FSCN2: variants seen among roughly 807,000 people sequenced by gnomAD.
FSCN2 encodes the protein fascin-2.
A neutral mutation model predicts 37.8 loss-of-function variants in FSCN2; 46 were observed. The observed-to-expected ratio is 1.22, with a 90% CI of 0.96 to 1.56. The LOEUF (loss-of-function observed/expected upper bound fraction) is 1.56, where lower values mean the gene tolerates loss of function less well. Among genes scored for constraint, FSCN2 ranks in the 40% most tolerant of loss-of-function variants. The probability of loss-of-function intolerance (pLI) is 0.00; values close to 1 mark genes in which losing one functional copy is unlikely to be tolerated. For missense variants in FSCN2, 844 were observed against 730.4 expected (o/e 1.16, Z -1.79); for synonymous variants, 351 against 309.4 (o/e 1.13, Z -1.41).
chr17:81,531,219 A>ATGG (rs1555671204), intron 1 of FSCN2, among the ~76,000 whole-genome samples: 2,330 of 105,202 alleles, frequency 0.022, 465 homozygotes, highest in African/African-American at 0.078. Context: ...GATGGTGGTG[A>ATGG]TGGTGATAAT....
rs200332556 is a variant in FSCN2, at chr17:81,529,069, C to T, written c.538C>T (p.Arg180Trp). ...GGACGCCCTCCTCACCCTCATCTTCCGGAGCCGACGGTACTGCCTCAAGTC... is the reference window on the plus strand; with the variant it reads ...GGACGCCCTCCTCACCCTCATCTTCTGGAGCCGACGGTACTGCCTCAAGTC... ...GVDALLTLIF[R>W]SRRYCLKSCD... Residue 180 changes from arginine to tryptophan, a missense_variant, in exon 1 of 5, where the codon CGG (arginine) becomes TGG (tryptophan). By Grantham distance (101) the Arg-to-Trp change is moderately radical (BLOSUM62 -3). Transcript: ENST00000417245. The T allele has an allele frequency of 1.4e-3, 2,274 of 1,590,372 alleles. 27 individuals are homozygous for T. Among genetic ancestry groups the T allele is most frequent in the South Asian group, 0.013 (1,134 of 87,802 alleles).
chr17:81,531,213 G>GTGGTGATGGTGGTGATGA (rs1568076856), intron 1 of FSCN2, among the ~76,000 whole-genome samples: 1 of 136,520 alleles, frequency 7.3e-6, no homozygotes, highest in Non-Finnish European at 1.6e-5. Context: ...GGTGGTGATG[G>GTGGTGATGGTGGTGATGA]TGGTGATGGT....
intron 1 of FSCN2, among the ~76,000 whole-genome samples, chr17:81,533,153 C>T (rs1024466707): frequency 2.0e-5 from 3 of 152,172 alleles, no homozygotes; most frequent in Admixed American, 6.5e-5. Flanking sequence ...GGCCCTTCAT[C>T]GAGGCATCTC....
chr17:81,534,794 G>A (rs1189700049), intron 1 of FSCN2, among the ~76,000 whole-genome samples: 2 of 151,862 alleles, frequency 1.3e-5, no homozygotes, highest in East Asian at 1.9e-4. Context: ...GCTGTGCCAA[G>A]CAGAAGGGCC....
chr17:81,518,833 G>A, the FSCN2 span, among the ~76,000 whole-genome samples: 2 of 152,378 alleles, frequency 1.3e-5, no homozygotes, highest in South Asian at 4.1e-4. Context: ...CGGAAAAGGG[G>A]AAGCGGGTCA....
upstream of FSCN2, chr17:81,527,769 T>G (rs1279313457): frequency 1.3e-5 from 2 of 152,238 alleles, no homozygotes; most frequent in Non-Finnish European, 2.9e-5. Flanking sequence ...GGCCTCTGAC[T>G]CTGCCCCCTG....
At chr17:81,531,930 GTGA>G (rs1443124762) in intron 1 of FSCN2, among the ~76,000 whole-genome samples, 58 of 137,880 alleles carry the variant, frequency 4.2e-4, no homozygotes, top group Admixed American at 1.7e-3. Flanking sequence ...GATGGTGATA[GTGA>G]TGATAATGGT....
rs1598573855 is a variant in FSCN2, at chr17:81,531,514, TGATGGTGGTGATGGC to T, written c.826+2171_826+2185del. Reference sequence around the variant, plus strand: ...ATGGTGATGGTGATGGTGGTGATGGTGATGGTGGTGATGGCGATGGTGGTGATGATGGTGATGGCG... The same window carrying T: ...ATGGTGATGGTGATGGTGGTGATGGTGATGGTGGTGATGATGGTGATGGCG... On this transcript the variant is annotated intron_variant, in intron 1 of 4. Coordinates refer to ENST00000417245, the MANE Select transcript of FSCN2 (RefSeq NM_012418.4). Among the ~76,000 whole-genome samples, 3 of 146,442 alleles carry T rather than the reference TGATGGTGGTGATGGC, an allele frequency of 2.0e-5. No homozygotes were observed. In the East Asian group the frequency reaches 6.1e-4, roughly 30 times the overall value.
At position 81,528,441 on chromosome 17, in the gene FSCN2, C is replaced by T. The variant is rs568546294; in HGVS notation, c.-91C>T. 393 of 993,750 alleles carry T rather than the reference C, an allele frequency of 4.0e-4. No individual in the cohort carries two copies. In the African/African-American group the frequency reaches 5.1e-3, roughly 13 times the overall value. The allele number at this position is 993,750 out of a possible 1,614,324, so 61.6% of individuals were successfully genotyped here. Reference sequence around the variant, plus strand: ...CTGGGTCTGGGGGCTGTGGGCCAGCCGAGCCGACCCGGGCTTCTGGGGGAC... The same window carrying T: ...CTGGGTCTGGGGGCTGTGGGCCAGCTGAGCCGACCCGGGCTTCTGGGGGAC... On this transcript the variant is annotated 5_prime_UTR_variant, in exon 1 of 5. Transcript: ENST00000417245.
In FSCN2 at chr17:81,531,378, A is replaced by ATGATGG. The variant is rs1568077280; in HGVS notation, c.826+2023_826+2024insATGGTG. The stretch of plus-strand genomic sequence containing the variant: ...GGTGATGGTGATGATGGTGGTGGTG[A>ATGATGG]TGGTGGTGATGGTGATGATGGTGAT... On this transcript the variant is annotated intron_variant, in intron 1 of 4. Coordinates refer to ENST00000417245, the MANE Select transcript of FSCN2 (RefSeq NM_012418.4). Among the ~76,000 whole-genome samples the ATGATGG allele has an allele frequency of 5.1e-3, 274 of 53,948 alleles. 3 individuals carry two copies. Among genetic ancestry groups the ATGATGG allele is most frequent in the African/African-American group, 0.017 (250 of 14,750 alleles). 35.4% of individuals were successfully genotyped at this position (53,948 alleles called of 152,430 possible).
chr17:81,532,092 ATGATGG>A (rs1568078659), intron 1 of FSCN2, among the ~76,000 whole-genome samples: 6 of 114,146 alleles, frequency 5.3e-5, no homozygotes, highest in African/African-American at 2.0e-4. Flanking sequence ...GGTGATGGTG[ATGATGG>A]TGATGATAGT....
At chr17:81,523,194 G>A in the FSCN2 span, among the ~76,000 whole-genome samples, 1 of 152,206 alleles carries the variant, frequency 6.6e-6, no homozygotes, top group East Asian at 1.9e-4. Flanking sequence ...CCCAACTGCA[G>A]TTCGGGAAGC....
At chr17:81,535,341 AC>A (rs1289346925) in intron 2 of FSCN2, 133 bp downstream of exon 2, 10 of 547,474 alleles carry the variant, frequency 1.8e-5, no homozygotes, top group Non-Finnish European at 3.1e-5. Flanking sequence ...CATCCCCATG[AC>A]CACCATCCCC....
chr17:81,529,312 G>C lies in FSCN2; in HGVS notation c.781G>C (p.Val261Leu), dbSNP rs782162508. The change falls in exon 1 of 5, where the codon GTG (valine) becomes CTG (leucine). Residue 261 changes from valine (V) to leucine (L), a missense_variant. Coordinates refer to ENST00000417245, the MANE Select transcript of FSCN2 (RefSeq NM_012418.4). ...LFDLEESHPQ[V>L]VLVAANHRYV... ...TGATCTGGAGGAGAGTCACCCACAG[G>C]TGGTGCTGGTGGCTGCCAACCACCG... The C allele has an allele frequency of 1.1e-5, 17 of 1,561,932 alleles. No individual in the cohort carries two copies. The highest frequency in any genetic ancestry group is 1.5e-5 in the Non-Finnish European group (17 of 1,152,354).
rs2032420343 is a variant in FSCN2 at position 81,528,446 on chromosome 17, C to A, written c.-86C>A. The A allele has an allele frequency of 1.9e-6, 2 of 1,047,178 alleles. No homozygotes were observed. 64.9% of individuals were successfully genotyped at this position (1,047,178 alleles called of 1,614,324 possible). On this transcript the variant is annotated 5_prime_UTR_variant, in exon 1 of 5. Transcript: ENST00000417245. ...TCTGGGGGCTGTGGGCCAGCCGAGC[C>A]GACCCGGGCTTCTGGGGGACCGCGG...
Position 81,535,127 on chromosome 17 carries a change from A to G in FSCN2, c.902A>G (p.Lys301Arg), listed in dbSNP as rs2143894572. 6.5e-7 allele frequency: 1 copy of G among 1,534,064 alleles called. No individual in the cohort carries two copies. The highest frequency in any genetic ancestry group is 8.7e-7 in the Non-Finnish European group (1 of 1,145,326). ...TFLMQIDQET[K>R]KCTFYSSTGG... is the part of the protein sequence containing the mutation. Reference sequence around the variant, plus strand: ...CTGATGCAAATTGACCAGGAGACAAAGAAGTGCACCTTCTATTCCAGCACT... The same window carrying G: ...CTGATGCAAATTGACCAGGAGACAAGGAAGTGCACCTTCTATTCCAGCACT... The change falls in exon 2 of 5, where the codon AAG (lysine) becomes AGG (arginine). Residue 301 changes from lysine (K) to arginine (R), a missense_variant. Lys to Arg is a conservative substitution (Grantham distance 26, BLOSUM62 2). Transcript: ENST00000417245.
At chr17:81,532,696 C>CGATAGTGATAGTGATGGTGGTGGT in intron 1 of FSCN2, among the ~76,000 whole-genome samples, 1 of 91,206 alleles carries the variant, frequency 1.1e-5, no homozygotes, top group Non-Finnish European at 2.3e-5. Context: ...ATGGTGATGG[C>CGATAGTGATAGTGATGGTGGTGGT]GATAGTGATA....
chr17:81,519,145 G>A, the FSCN2 span: 1 of 152,278 alleles, frequency 6.6e-6, no homozygotes, highest in African/African-American at 2.4e-5. Flanking sequence ...AGGGCTGCAC[G>A]CCCTAACTTG....
chr17:81,515,334 C>T, the FSCN2 span, among the ~76,000 whole-genome samples: 1 of 152,230 alleles, frequency 6.6e-6, no homozygotes, highest in Non-Finnish European at 1.5e-5. Context: ...GGGAGGGGAC[C>T]GCATGGATGG....
Sources: gnomAD v4.1 joint callset for allele counts (sites outside exome capture counted in the v4.1 genomes callset) on GRCh38, gnomAD v4.1.1 for gene constraint, MANE v1.5 for transcripts, NCBI Gene and HGNC (gene_info 2026-07-23, HGNC 2026-07-21) for gene names.